The following NFX1 variants were observed in gnomAD, a reference collection of about 807,000 sequenced individuals.
NFX1 encodes nuclear transcription factor, X-box binding 1.
In NFX1, 69 loss-of-function variants were observed where a neutral mutation model predicts 137.2. The ratio of observed to expected loss-of-function variants is 0.50; its 90% CI spans 0.41 to 0.61. The LOEUF is 0.61. NFX1 is among the 20% of genes least tolerant of loss of function. The pLI is 0.00. For synonymous variants in NFX1, 495 were observed against 474.1 expected (o/e 1.04, Z -0.57); for missense variants, 1,167 against 1,391.0 (o/e 0.84, Z 2.56).
chr9:33,338,371 C>T, intron 11 of NFX1, 139 bp from the exon 12 acceptor site: 1 of 776,234 alleles, frequency 1.3e-6, no homozygotes, highest in African/African-American at 1.8e-5. Context: ...CAAAACAAAA[C>T]AAAAAAAACT....
rs372793723 is a variant in NFX1, at chr9:33,352,714, T to C, written c.2724T>C (p.Tyr908=). 5.6e-6 allele frequency: 9 copies of C among 1,613,520 alleles called. No homozygotes were observed. The highest frequency in any genetic ancestry group is 7.6e-6 in the Non-Finnish European group (9 of 1,179,402). The change falls in exon 17 of 24, where the codon TAT becomes TAC. Residue 908 remains tyrosine, a synonymous_variant. Coordinates refer to ENST00000379540, the MANE Select transcript of NFX1 (RefSeq NM_002504.6). ...MVICSEASST[Y]QRIAAISMAS... is the part of the protein sequence containing the mutation. ...TTTGCTCTGAAGCATCTAGTACTTA[T>C]CAAAGGTTAGTGTTACTTAAATGTT...
In NFX1 at chr9:33,319,003, C is replaced by T. The variant is rs138099956; in HGVS notation, c.1782C>T (p.Cys594=). The part of the protein sequence containing the change: ...CPRLPQLVRC[C]PCGQTPLSQL... ...GGCTCCCCCAGCTGGTGCGCTGTTGCCCCTGTGGCCAAACTCCTCTCAGCC... is the reference window on the plus strand; with the variant it reads ...GGCTCCCCCAGCTGGTGCGCTGTTGTCCCTGTGGCCAAACTCCTCTCAGCC... The change falls in exon 9 of 24, where the codon TGC becomes TGT. Residue 594 remains cysteine (C), a synonymous_variant. Transcript: ENST00000379540. The T allele has an allele frequency of 4.8e-5, 78 of 1,614,222 alleles. No homozygotes were observed. In the African/African-American group the frequency reaches 8.3e-4, roughly 17 times the overall value.
chr9:33,321,119 T>C (rs1167588925), intron 9 of NFX1, among the ~76,000 whole-genome samples: 1 of 152,168 alleles, frequency 6.6e-6, no homozygotes, highest in Non-Finnish European at 1.5e-5. Flanking sequence ...TCACATATAA[T>C]GACCAGAAAT....
intron 11 of NFX1, 33 bp from the exon 12 acceptor site, chr9:33,338,477 G>A: frequency 6.3e-7 from 1 of 1,576,246 alleles, no homozygotes; most frequent in Non-Finnish European, 8.7e-7. Context: ...TCCTTTGTCT[G>A]GTTTTTTTTT....
At chr9:33,323,702 G>A (rs139845933) in intron 9 of NFX1, among the ~76,000 whole-genome samples, 1,659 of 151,572 alleles carry the variant, frequency 0.011, 29 homozygotes, top group African/African-American at 0.039. Flanking sequence ...GCAGTGAGCC[G>A]CGATTGCGCC....
intron 4 of NFX1, among the ~76,000 whole-genome samples, chr9:33,306,611 G>A (rs1379612351): frequency 6.6e-6 from 1 of 152,222 alleles, no homozygotes; most frequent in Non-Finnish European, 1.5e-5. Flanking sequence ...AGGGCAAGGA[G>A]GAATCCTGTG....
chr9:33,354,576 C>T (rs984476330), intron 18 of NFX1, among the ~76,000 whole-genome samples: 17 of 152,152 alleles, frequency 1.1e-4, no homozygotes, highest in Admixed American at 1.0e-3. Context: ...ACTCCTAGAC[C>T]CCATAACAGA....
At chr9:33,342,276 A>G (rs1013965800) in intron 12 of NFX1, among the ~76,000 whole-genome samples, 13 of 152,112 alleles carry the variant, frequency 8.5e-5, no homozygotes, top group South Asian at 2.1e-4. Flanking sequence ...CCTGGCTAAC[A>G]CGGTGAAACC....
chr9:33,321,723 T>G (rs1822391045), intron 9 of NFX1, among the ~76,000 whole-genome samples: 1 of 151,802 alleles, frequency 6.6e-6, no homozygotes, highest in Non-Finnish European at 1.5e-5. Context: ...CAAAAAACAT[T>G]TTTTATTTAC....
chr9:33,333,756 T>G (rs1822897133), intron 11 of NFX1, among the ~76,000 whole-genome samples: 1 of 152,198 alleles, frequency 6.6e-6, no homozygotes. Flanking sequence ...GAGTGGCCGT[T>G]TGGGAGGTAC....
intron 9 of NFX1, among the ~76,000 whole-genome samples, chr9:33,326,842 T>C (rs1026003383): frequency 1.5e-4 from 23 of 152,208 alleles, no homozygotes; most frequent in African/African-American, 5.5e-4. Flanking sequence ...ATGTGATATG[T>C]ATAACAATAA....
chr9:33,315,584 G>C (rs931253498), intron 7 of NFX1, among the ~76,000 whole-genome samples: 1 of 152,052 alleles, frequency 6.6e-6, no homozygotes, highest in East Asian at 1.9e-4. Context: ...AACATGCTCA[G>C]AGACCACACA....
chr9:33,292,936 C>T (rs1392846573), intron 1 of NFX1, among the ~76,000 whole-genome samples: 4 of 152,210 alleles, frequency 2.6e-5, no homozygotes, highest in African/African-American at 7.2e-5. Flanking sequence ...ATACCTCTGC[C>T]ACCCTCTGCA....
intron 9 of NFX1, among the ~76,000 whole-genome samples, chr9:33,326,138 C>T (rs985744664): frequency 1.3e-5 from 2 of 151,970 alleles, no homozygotes; most frequent in Non-Finnish European, 2.9e-5. Flanking sequence ...GGGGGCTAGG[C>T]GCAGTGACTC....
In NFX1 at chr9:33,350,317, A is replaced by C. The variant is rs1308666395; in HGVS notation, c.2425-1243A>C. On this transcript the variant is annotated intron_variant, in intron 15 of 23. Transcript: ENST00000379540. ...AGACTCCATCTCAAAAAAAAAAAAA[A>C]AAAAGGCAAAATAAAACGAAAAAAT... Among the ~76,000 whole-genome samples the C allele has an allele frequency of 5.3e-5, 8 of 152,042 alleles. No homozygotes were observed. In the East Asian group the frequency reaches 1.5e-3, roughly 29 times the overall value.
chr9:33,298,138 G>C (rs73476692), intron 2 of NFX1, among the ~76,000 whole-genome samples: 3,875 of 152,288 alleles, frequency 0.025, 158 homozygotes, highest in African/African-American at 0.088. Context: ...ATGTCAGGTG[G>C]TGATAAGGAC....
At chr9:33,335,197 TTTC>T (rs912128164) in intron 11 of NFX1, among the ~76,000 whole-genome samples, 4 of 152,020 alleles carry the variant, frequency 2.6e-5, no homozygotes, top group African/African-American at 7.2e-5. Flanking sequence ...TCTTACATTT[TTTC>T]TTCTTCTCTA....
At position 33,320,747 on chromosome 9, in the gene NFX1, G is replaced by A. The variant is rs142159623; in HGVS notation, c.1906+1620G>A. Among the ~76,000 whole-genome samples, 609 of 152,306 alleles carry A rather than the reference G, an allele frequency of 4.0e-3. 3 individuals carry two copies. The highest frequency in any genetic ancestry group is 5.8e-3 in the Non-Finnish European group (392 of 68,028). On this transcript the variant is annotated intron_variant, in intron 9 of 23. Coordinates refer to ENST00000379540, the MANE Select transcript of NFX1 (RefSeq NM_002504.6). ...GCATTTAGAAAAAAATGGAAAGTAGGCAACTGAGATTGAATAGGAAAATTA... is the reference window on the plus strand; with the variant it reads ...GCATTTAGAAAAAAATGGAAAGTAGACAACTGAGATTGAATAGGAAAATTA...
intron 12 of NFX1, among the ~76,000 whole-genome samples, chr9:33,341,158 A>G (rs1264853060): frequency 6.6e-6 from 1 of 152,218 alleles, no homozygotes; most frequent in Non-Finnish European, 1.5e-5. Context: ...GGCAAGTTAC[A>G]AAAGAAAGAG....
Sources: gnomAD v4.1 joint callset for allele counts (sites outside exome capture counted in the v4.1 genomes callset) on GRCh38, gnomAD v4.1.1 for gene constraint, MANE v1.5 for transcripts, NCBI Gene and HGNC (gene_info 2026-07-23, HGNC 2026-07-21) for gene names.